The following KCNH7 variants were observed in gnomAD, a reference collection of about 807,000 sequenced individuals.
KCNH7 encodes potassium voltage-gated channel subfamily H member 7, also known as voltage-gated inwardly rectifying potassium channel KCNH7.
Under a neutral mutation model 120.8 loss-of-function variants are expected in KCNH7, and 49 were observed. The ratio of observed to expected loss-of-function variants is 0.41; its 90% CI spans 0.32 to 0.51. The LOEUF is 0.51. Among genes scored for constraint, KCNH7 ranks in the 20% least tolerant of loss-of-function variants. The pLI is 0.38. For synonymous variants in KCNH7, 547 were observed against 516.1 expected, an observed-to-expected ratio of 1.06 and a Z score of -0.81; for missense variants, 1,097 against 1,446.6, an observed-to-expected ratio of 0.76 and a Z score of 3.92.
chr2:162,384,198 C>T (rs1365634415), intron 13 of KCNH7, among the ~76,000 whole-genome samples: 1 of 151,784 alleles, frequency 6.6e-6, no homozygotes, highest in Non-Finnish European at 1.5e-5. Flanking sequence ...AAATAAAGAC[C>T]ATACTTTATT....
At chr2:162,507,437 A>C (rs547623440) in intron 5 of KCNH7, among the ~76,000 whole-genome samples, 2 of 151,590 alleles carry the variant, frequency 1.3e-5, no homozygotes, top group Non-Finnish European at 3.0e-5. Flanking sequence ...AACACTTGTA[A>C]TTATTATTTG....
rs1441317328 is a variant in KCNH7 at position 162,645,499 on chromosome 2, T to A, written c.308-108419A>T. On this transcript the variant is annotated intron_variant, in intron 2 of 15. Coordinates refer to ENST00000332142, the MANE Select transcript of KCNH7 (RefSeq NM_033272.4). The stretch of plus-strand genomic sequence containing the variant: ...AATTCACCATGGAACAGAGGTACCA[T>A]GCTGATCTGAGGTCATTTGCAAATT... Among the ~76,000 whole-genome samples the A allele has an allele frequency of 2.0e-5, 3 of 152,180 alleles. No homozygotes were observed. In the South Asian group the frequency reaches 6.2e-4, roughly 32 times the overall value.
chr2:162,465,318 A>G (rs183114465), intron 6 of KCNH7, among the ~76,000 whole-genome samples: 1 of 152,288 alleles, frequency 6.6e-6, no homozygotes, highest in East Asian at 1.9e-4. Flanking sequence ...GCCATAAGTT[A>G]TTCCACTAGT....
In KCNH7 at chr2:162,540,103, A is replaced by G. The variant is rs149120225; in HGVS notation, c.308-3023T>C. On this transcript the variant is annotated intron_variant, in intron 2 of 15. Coordinates refer to ENST00000332142, the MANE Select transcript of KCNH7 (RefSeq NM_033272.4). ...AACCAAGCAATGAAGAAAAAAAAAT[A>G]GACATCTAATAATGTGGAAATAAGA... Among the ~76,000 whole-genome samples the G allele has an allele frequency of 3.2e-3, 487 of 152,172 alleles. 2 individuals carry two copies. The highest frequency in any genetic ancestry group is 0.011 in the African/African-American group (466 of 41,530).
chr2:162,640,177 T>A (rs1027486594), intron 2 of KCNH7, among the ~76,000 whole-genome samples: 1 of 152,184 alleles, frequency 6.6e-6, no homozygotes, highest in African/African-American at 2.4e-5. Context: ...AAAATATTTT[T>A]TATGTAGACA....
At chr2:162,720,433 T>C (rs1687288371) in intron 2 of KCNH7, among the ~76,000 whole-genome samples, 1 of 151,960 alleles carries the variant, frequency 6.6e-6, no homozygotes, top group African/African-American at 2.4e-5. Context: ...TTAATCCACG[T>C]GCACAGTGGT....
intron 2 of KCNH7, among the ~76,000 whole-genome samples, chr2:162,768,333 T>TG (rs1682903593): frequency 7.3e-6 from 1 of 137,130 alleles, no homozygotes; most frequent in Non-Finnish European, 1.5e-5. Flanking sequence ...TTTCTGAAGC[T>TG]GGGTTTTTTT....
At chr2:162,748,456 A>G (rs1259835392) in intron 2 of KCNH7, among the ~76,000 whole-genome samples, 1 of 152,170 alleles carries the variant, frequency 6.6e-6, no homozygotes, top group Non-Finnish European at 1.5e-5. Context: ...TGTTTGATGA[A>G]CAATTTTTTT....
chr2:162,515,924 A>G (rs761959344), intron 4 of KCNH7, among the ~76,000 whole-genome samples: 13 of 151,562 alleles, frequency 8.6e-5, no homozygotes, highest in Non-Finnish European at 1.8e-4. Flanking sequence ...TGCCTTCTCT[A>G]CTTCATGGTG....
At chr2:162,813,318 C>T (rs1407624880) in intron 2 of KCNH7, among the ~76,000 whole-genome samples, 1 of 152,158 alleles carries the variant, frequency 6.6e-6, no homozygotes, top group Non-Finnish European at 1.5e-5. Context: ...GTGTACTCTT[C>T]CACCTGCCAG....
intron 7 of KCNH7, among the ~76,000 whole-genome samples, chr2:162,443,810 G>A (rs1688498065): frequency 1.3e-5 from 2 of 152,220 alleles, no homozygotes; most frequent in Middle Eastern, 3.4e-3. Context: ...ACATATCTAG[G>A]TGATTTGGTC....
intron 2 of KCNH7, among the ~76,000 whole-genome samples, chr2:162,724,480 G>T (rs1285445807): frequency 6.6e-6 from 1 of 151,468 alleles, no homozygotes; most frequent in African/African-American, 2.4e-5. Flanking sequence ...AGACCATCCC[G>T]GCTAAAAAGG....
chr2:162,692,288 G>T (rs915964677), intron 2 of KCNH7, among the ~76,000 whole-genome samples: 2 of 151,840 alleles, frequency 1.3e-5, no homozygotes, highest in Non-Finnish European at 2.9e-5. Flanking sequence ...ACCACACATG[G>T]CTAACTTTTT....
intron 14 of KCNH7, among the ~76,000 whole-genome samples, chr2:162,376,064 G>GT (rs1230062425): frequency 7.9e-5 from 12 of 152,210 alleles, no homozygotes; most frequent in Non-Finnish European, 1.5e-4. Flanking sequence ...ATAAAGCTGC[G>GT]TGAAGTTAAT....
chr2:162,749,607 TA>T (rs1688471989), intron 2 of KCNH7, among the ~76,000 whole-genome samples: 1 of 152,150 alleles, frequency 6.6e-6, no homozygotes, highest in South Asian at 2.1e-4. Context: ...CAAATAATTT[TA>T]AATTGTAAAT....
intron 2 of KCNH7, among the ~76,000 whole-genome samples, chr2:162,659,816 A>G (rs1684897675): frequency 6.6e-6 from 1 of 152,158 alleles, no homozygotes; most frequent in Non-Finnish European, 1.5e-5. Flanking sequence ...ATTAGAAGGT[A>G]TCCCTGCTAC....
At chr2:162,556,832 T>C (rs1302111954) in intron 2 of KCNH7, among the ~76,000 whole-genome samples, 1 of 152,222 alleles carries the variant, frequency 6.6e-6, no homozygotes. Context: ...CTTTATAGAA[T>C]TTTAAAACCA....
At chr2:162,622,036 T>C (rs1378314217) in intron 2 of KCNH7, among the ~76,000 whole-genome samples, 7 of 152,254 alleles carry the variant, frequency 4.6e-5, no homozygotes, top group South Asian at 2.1e-4. Flanking sequence ...TTTGCTATTC[T>C]ATTTCTGCAA....
At chr2:162,377,294 G>T (rs1371263063) in intron 14 of KCNH7, among the ~76,000 whole-genome samples, 1 of 150,930 alleles carries the variant, frequency 6.6e-6, no homozygotes, top group Non-Finnish European at 1.5e-5. Flanking sequence ...AAATATCACA[G>T]ATAATTAGAA....
Sources: gnomAD v4.1 joint callset for allele counts (sites outside exome capture counted in the v4.1 genomes callset) on GRCh38, gnomAD v4.1.1 for gene constraint, MANE v1.5 for transcripts, NCBI Gene and HGNC (gene_info 2026-07-23, HGNC 2026-07-21) for gene names.